Variants in THSD4 observed in about 807,000 individuals in gnomAD.
The protein encoded by THSD4 is thrombospondin type 1 domain containing 4.
THSD4 carries 69 observed loss-of-function variants against 119.0 expected under a neutral mutation model. The observed-to-expected ratio is 0.58, with a 90% CI of 0.48 to 0.71. The LOEUF (loss-of-function observed/expected upper bound fraction) is 0.71, where lower values mean the gene tolerates loss of function less well. Ranked by LOEUF, THSD4 falls within the 30% of genes least tolerant of loss-of-function variation. The probability of loss-of-function intolerance (pLI) is 0.00; values close to 1 mark genes in which losing one functional copy is unlikely to be tolerated. For missense variants in THSD4, 1,393 were observed against 1,391.1 expected, an observed-to-expected ratio of 1.00 and a Z score of -0.02; for synonymous variants, 524 against 540.4, an observed-to-expected ratio of 0.97 and a Z score of 0.42.
At chr15:71,445,541 C>CTTG (rs1483564487) in intron 7 of THSD4, among the ~76,000 whole-genome samples, 4 of 152,214 alleles carry the variant, frequency 2.6e-5, no homozygotes, top group African/African-American at 9.7e-5. Context: ...ATCCCCTCAT[C>CTTG]TCACAACCTC....
At chr15:71,645,104 TG>T (rs1271457193) in intron 7 of THSD4, among the ~76,000 whole-genome samples, 4 of 152,146 alleles carry the variant, frequency 2.6e-5, no homozygotes, top group Non-Finnish European at 5.9e-5. Context: ...GTCTCAAAGC[TG>T]GTACCTCAGG....
At chr15:71,736,607 GTCTCTGTC>G (rs772597056) in intron 10 of THSD4, among the ~76,000 whole-genome samples, 174 of 148,350 alleles carry the variant, frequency 1.2e-3, no homozygotes, top group Non-Finnish European at 2.0e-3. Context: ...CTTGGTCTCT[GTCTCTGTC>G]TCTCTGTCTC....
At chr15:71,459,241 C>T (rs1310710434) in intron 7 of THSD4, among the ~76,000 whole-genome samples, 2 of 150,810 alleles carry the variant, frequency 1.3e-5, no homozygotes, top group East Asian at 3.9e-4. Context: ...TCACTGCAAC[C>T]TCCACCTCTC....
chr15:71,111,673 T>C (rs2040306170), upstream of THSD4: 2 of 557,288 alleles, frequency 3.6e-6, no homozygotes, highest in Non-Finnish European at 3.2e-6. Context: ...TGATGGATCC[T>C]GGTACCTCCT....
At chr15:71,758,966 A>G (rs757150788) in intron 15 of THSD4, among the ~76,000 whole-genome samples, 1 of 152,188 alleles carries the variant, frequency 6.6e-6, no homozygotes, top group Non-Finnish European at 1.5e-5. Context: ...GATTCATTTT[A>G]AGGAAATAAT....
At chr15:71,258,313 G>A (rs1170832975) in intron 6 of THSD4, among the ~76,000 whole-genome samples, 2 of 152,092 alleles carry the variant, frequency 1.3e-5, no homozygotes, top group Admixed American at 1.3e-4. Flanking sequence ...CGAGTAGCTG[G>A]GATTACAGGT....
upstream of THSD4, chr15:71,112,053 A>G: frequency 6.3e-7 from 1 of 1,575,884 alleles, no homozygotes. Context: ...ATCTGTTCAC[A>G]CGTTGCTCTT....
intron 7 of THSD4, among the ~76,000 whole-genome samples, chr15:71,633,278 T>TTC: frequency 7.0e-6 from 1 of 142,520 alleles, no homozygotes; most frequent in Non-Finnish European, 1.5e-5. Context: ...TCTTTTTTTT[T>TTC]TTTTTTTTTT....
intron 7 of THSD4, among the ~76,000 whole-genome samples, chr15:71,599,443 A>G (rs1478542160): frequency 6.6e-6 from 1 of 152,102 alleles, no homozygotes; most frequent in Non-Finnish European, 1.5e-5. Flanking sequence ...GTTCATCCAC[A>G]TCATAATGCT....
intron 7 of THSD4, among the ~76,000 whole-genome samples, chr15:71,526,088 A>G (rs28572549): frequency 0.046 from 6,967 of 152,278 alleles, 530 homozygotes; most frequent in African/African-American, 0.16. Flanking sequence ...TTCATTGTAA[A>G]TGGCTGAATT....
At chr15:71,270,105 C>T (rs930892942) in intron 6 of THSD4, among the ~76,000 whole-genome samples, 1 of 152,028 alleles carries the variant, frequency 6.6e-6, no homozygotes, top group African/African-American at 2.4e-5. Context: ...AAACACTTTA[C>T]ATTTCATATG....
At chr15:71,189,383 G>A (rs909195029) in intron 3 of THSD4, among the ~76,000 whole-genome samples, 2 of 152,182 alleles carry the variant, frequency 1.3e-5, no homozygotes, top group African/African-American at 4.8e-5. Context: ...TAAAAAATAC[G>A]TTTCTGGCTG....
At chr15:71,282,181 T>C (rs2044660765) in intron 6 of THSD4, among the ~76,000 whole-genome samples, 2 of 152,218 alleles carry the variant, frequency 1.3e-5, no homozygotes, top group South Asian at 4.1e-4. Flanking sequence ...AAAGGAGTGT[T>C]TTTTATTCAA....
intron 7 of THSD4, among the ~76,000 whole-genome samples, chr15:71,617,279 T>C (rs1180790464): frequency 1.3e-5 from 2 of 152,238 alleles, no homozygotes; most frequent in Non-Finnish European, 2.9e-5. Flanking sequence ...TGGAAGTATG[T>C]GAAATTAAAC....
intron 4 of THSD4, among the ~76,000 whole-genome samples, chr15:71,217,900 C>CCT (rs1285725529): frequency 6.6e-6 from 1 of 150,840 alleles, no homozygotes; most frequent in Non-Finnish European, 1.5e-5. Flanking sequence ...GATTCCTGTG[C>CCT]CTCAGCCTCC....
chr15:71,715,323 A>G (rs1376988470), intron 8 of THSD4, among the ~76,000 whole-genome samples: 1 of 152,212 alleles, frequency 6.6e-6, no homozygotes, highest in Non-Finnish European at 1.5e-5. Context: ...CTTGGAACCC[A>G]TGGCGACAGT....
rs954718190 is a variant in THSD4, at chr15:71,168,894, T to C, written c.99+13962T>C. 5.9e-5 allele frequency among the ~76,000 whole-genome samples: 9 copies of C among 152,340 alleles called. No individual in the cohort carries two copies. In the South Asian group the frequency reaches 1.9e-3, roughly 32 times the overall value. ...AGGAAAACATTTGAGAATAGCTTCG[T>C]AATTTGATGTAGGCAAAGGTTTCTT... is the stretch of plus-strand genomic sequence containing the variant. On this transcript the variant is annotated intron_variant, in intron 3 of 17. Transcript: ENST00000261862.
chr15:71,689,280 C>G (rs1410082496), intron 8 of THSD4, among the ~76,000 whole-genome samples: 2 of 152,166 alleles, frequency 1.3e-5, no homozygotes, highest in Non-Finnish European at 2.9e-5. Flanking sequence ...CTCAGTAGCT[C>G]TGGGCTTCCG....
At chr15:71,228,781 A>G (rs142864400) in intron 4 of THSD4, among the ~76,000 whole-genome samples, 1,867 of 152,288 alleles carry the variant, frequency 0.012, 45 homozygotes, top group African/African-American at 0.042. Context: ...GCCTTGCCCC[A>G]GAGCCTTCCT....
Sources: gnomAD v4.1 joint callset for allele counts (sites outside exome capture counted in the v4.1 genomes callset) on GRCh38, gnomAD v4.1.1 for gene constraint, MANE v1.5 for transcripts, NCBI Gene and HGNC (gene_info 2026-07-23, HGNC 2026-07-21) for gene names.